Variants in NEBL observed in about 807,000 individuals in gnomAD.
NEBL encodes the protein LIM and SH3 protein 2.
A neutral mutation model predicts 140.2 loss-of-function variants in NEBL; 122 were observed. That is an observed-to-expected ratio of 0.87 (90% CI 0.75 to 1.01). The LOEUF (loss-of-function observed/expected upper bound fraction) is 1.01. Ranked by LOEUF, NEBL falls within the 50% of genes least tolerant of loss-of-function variation. The probability of loss-of-function intolerance (pLI) is 0.00; values close to 1 mark genes in which losing one functional copy is unlikely to be tolerated. For missense variants in NEBL, 1,365 were observed against 1,231.3 expected (o/e 1.11, Z -1.62); for synonymous variants, 436 against 398.9 (o/e 1.09, Z -1.11).
At chr10:21,271,348 T>A (rs919598410) in intron 1 of NEBL, among the ~76,000 whole-genome samples, 6 of 152,000 alleles carry the variant, frequency 3.9e-5, no homozygotes, top group Non-Finnish European at 8.8e-5. Flanking sequence ...CTCCTGGAAG[T>A]AGAGAGTAGA....
At chr10:21,043,371 A>C (rs916073841) in intron 2 of NEBL, among the ~76,000 whole-genome samples, 2 of 152,270 alleles carry the variant, frequency 1.3e-5, no homozygotes, top group Admixed American at 6.5e-5. Flanking sequence ...CTGCAATCTT[A>C]CAAAAATCCA....
At chr10:20,858,206 G>A (rs1378607729) in intron 9 of NEBL, 34 bp downstream of exon 9, 18 of 1,515,640 alleles carry the variant, frequency 1.2e-5, no homozygotes, top group Non-Finnish European at 1.6e-5. Flanking sequence ...GGAGCCACAA[G>A]GCAACTACGG....
intron 26 of NEBL, among the ~76,000 whole-genome samples, chr10:20,791,125 T>A (rs993731524): frequency 1.3e-5 from 2 of 152,200 alleles, no homozygotes; most frequent in Non-Finnish European, 2.9e-5. Context: ...CACAGAAGTG[T>A]GACTCAACTT....
intron 4 of NEBL, among the ~76,000 whole-genome samples, chr10:20,916,771 C>A (rs913064127): frequency 6.6e-6 from 1 of 152,140 alleles, no homozygotes; most frequent in Non-Finnish European, 1.5e-5. Context: ...GTATAAAATG[C>A]GTGCCCATCT....
rs199877830 is a variant in NEBL, at chr10:20,882,352, G to GAAGGGA, written c.370-1454_370-1449dup. On this transcript the variant is annotated intron_variant, in intron 4 of 27. Coordinates refer to ENST00000377122, the MANE Select transcript of NEBL (RefSeq NM_006393.3). ...AGAGGAGAGAGGAAAAGGAAAAGGG[G>GAAGGGA]AAGGGAAAGGGAAAGTAAAAGAAAA... Among the ~76,000 whole-genome samples, 930 of 134,230 alleles carry GAAGGGA rather than the reference G, an allele frequency of 6.9e-3. 11 individuals carry two copies. Among genetic ancestry groups the GAAGGGA allele is most frequent in the African/African-American group, 0.023 (902 of 39,902 alleles). 88.1% of individuals were successfully genotyped at this position (134,230 alleles called of 152,430 possible).
intron 3 of NEBL, among the ~76,000 whole-genome samples, chr10:21,016,531 A>T (rs1838563627): frequency 6.6e-6 from 1 of 152,224 alleles, no homozygotes; most frequent in Admixed American, 6.5e-5. Flanking sequence ...GAATTGGAAA[A>T]TATATTTCGA....
At chr10:20,837,338 G>A (rs1261355312) in intron 13 of NEBL, among the ~76,000 whole-genome samples, 1 of 152,136 alleles carries the variant, frequency 6.6e-6, no homozygotes, top group African/African-American at 2.4e-5. Context: ...GTCTGAATAG[G>A]TCAAACCAGA....
chr10:20,838,401 A>G (rs1841100123), intron 13 of NEBL, among the ~76,000 whole-genome samples: 1 of 152,186 alleles, frequency 6.6e-6, no homozygotes. Context: ...TGAAAATGTG[A>G]CTGAACTGCT....
At chr10:20,949,805 T>C (rs766903651) in intron 4 of NEBL, among the ~76,000 whole-genome samples, 2 of 152,166 alleles carry the variant, frequency 1.3e-5, no homozygotes, top group South Asian at 2.1e-4. Context: ...ATTTAGATGG[T>C]TTGACTTAAT....
chr10:21,010,229 T>G (rs1838284167), intron 3 of NEBL, among the ~76,000 whole-genome samples: 1 of 152,074 alleles, frequency 6.6e-6, no homozygotes, highest in Non-Finnish European at 1.5e-5. Context: ...TTTTGTTTGT[T>G]TGCTTTTGTT....
chr10:20,955,111 C>G (rs1038375946), intron 4 of NEBL, among the ~76,000 whole-genome samples: 1 of 152,184 alleles, frequency 6.6e-6, no homozygotes, highest in African/African-American at 2.4e-5. Context: ...AGACTATTCC[C>G]ACACTCCTAT....
chr10:21,100,017 C>T (rs1837398998), intron 2 of NEBL, among the ~76,000 whole-genome samples: 1 of 152,086 alleles, frequency 6.6e-6, no homozygotes, highest in African/African-American at 2.4e-5. Flanking sequence ...TTTCTATTTC[C>T]CTTAAAAACA....
At chr10:21,149,839 G>A (rs1324225784) in intron 2 of NEBL, among the ~76,000 whole-genome samples, 1 of 152,188 alleles carries the variant, frequency 6.6e-6, no homozygotes, top group Non-Finnish European at 1.5e-5. Context: ...GATAGGGTTG[G>A]AATTGAATTA....
chr10:21,088,911 C>T (rs751389958), intron 2 of NEBL, among the ~76,000 whole-genome samples: 1 of 152,114 alleles, frequency 6.6e-6, no homozygotes, highest in African/African-American at 2.4e-5. Context: ...TGCCCTCTGC[C>T]GTGAGGATGG....
At chr10:21,160,393 C>T (rs554187847) in intron 2 of NEBL, among the ~76,000 whole-genome samples, 2 of 152,178 alleles carry the variant, frequency 1.3e-5, no homozygotes, top group South Asian at 2.1e-4. Context: ...TACATAACTG[C>T]TGTTTTAAAA....
intron 5 of NEBL, among the ~76,000 whole-genome samples, chr10:20,878,351 T>C (rs1588915637): frequency 6.6e-6 from 1 of 152,350 alleles, no homozygotes; most frequent in East Asian, 1.9e-4. Context: ...GATACACATA[T>C]AATGACACAC....
rs1204583126 is a variant in NEBL, at chr10:20,925,090, A to G, written c.357+36582T>C. Among the ~76,000 whole-genome samples the G allele has an allele frequency of 2.0e-5, 3 of 152,136 alleles. No homozygotes were observed. In the East Asian group the frequency reaches 5.8e-4, roughly 29 times the overall value. On this transcript the variant is annotated intron_variant, in intron 4 of 6. Coordinates refer to the NEBL transcript ENST00000417816. ...CAAAGTGTAGCCCCGGAAATAAAATAATACCTCAGACCCAGATCCCCCAGG... is the reference window on the plus strand; with the variant it reads ...CAAAGTGTAGCCCCGGAAATAAAATGATACCTCAGACCCAGATCCCCCAGG...
intron 2 of NEBL, among the ~76,000 whole-genome samples, chr10:21,112,558 G>A (rs887515313): frequency 2.0e-5 from 3 of 149,728 alleles, no homozygotes; most frequent in Admixed American, 6.7e-5. Flanking sequence ...TTGGACACAC[G>A]GTGGGGAACA....
intron 1 of NEBL, among the ~76,000 whole-genome samples, chr10:21,279,106 A>G (rs996477131): frequency 6.6e-6 from 1 of 152,078 alleles, no homozygotes; most frequent in African/African-American, 2.4e-5. Context: ...TTTAGGCTCT[A>G]CACATCATAC....
Sources: allele counts gnomAD v4.1 joint callset (sites outside exome capture counted in the v4.1 genomes callset), GRCh38; gene constraint gnomAD v4.1.1; transcripts MANE v1.5; gene names NCBI Gene and HGNC (gene_info 2026-07-23, HGNC 2026-07-21).